Variants in LRRC4C observed in about 807,000 individuals in gnomAD.
The protein encoded by LRRC4C is leucine rich repeat containing 4C, also known as leucine-rich repeat-containing protein 4C.
Under a neutral mutation model 33.6 loss-of-function variants are expected in LRRC4C, and 5 were observed. The ratio of observed to expected loss-of-function variants is 0.15; its 90% confidence interval spans 0.08 to 0.31. The LOEUF (loss-of-function observed/expected upper bound fraction) is 0.31, where lower values mean the gene tolerates loss of function less well. LRRC4C is among the 10% of genes least tolerant of loss of function. The pLI is 1.00. For missense variants in LRRC4C, 560 were observed against 796.7 expected (o/e 0.70, Z 3.58); for synonymous variants, 329 against 302.0 (o/e 1.09, Z -0.93).
rs563012922 is a variant in LRRC4C, at chr11:41,288,824, A to C, written c.-496+170607T>G. Reference sequence around the variant, plus strand: ...TGTTGGCAGAATCCATTTACTTATAACTGTAGAACTCATGGAAGCTTGCTT... The same window carrying C: ...TGTTGGCAGAATCCATTTACTTATACCTGTAGAACTCATGGAAGCTTGCTT... On this transcript the variant is annotated intron_variant, in intron 1 of 6. Transcript: ENST00000528697. 3.9e-5 allele frequency among the ~76,000 whole-genome samples: 6 copies of C among 152,196 alleles called. No homozygotes were observed. In the South Asian group the frequency reaches 1.2e-3, roughly 32 times the overall value.
chr11:40,893,136 CTTCA>C (rs973859009), intron 2 of LRRC4C, among the ~76,000 whole-genome samples: 27 of 152,128 alleles, frequency 1.8e-4, no homozygotes, highest in Admixed American at 1.2e-3. Context: ...CAAAAACAAA[CTTCA>C]CATGTTCTCA....
intron 4 of LRRC4C, among the ~76,000 whole-genome samples, chr11:40,275,822 C>A (rs540928943): frequency 1.2e-4 from 19 of 152,228 alleles, no homozygotes; most frequent in Admixed American, 1.0e-3. Flanking sequence ...GAAGAACATT[C>A]TTTCAATCAC....
Position 40,240,884 on chromosome 11 carries a change from CA to C in LRRC4C, c.-96+634del, listed in dbSNP as rs111633816. Among the ~76,000 whole-genome samples, 8 of 152,160 alleles carry C rather than the reference CA, an allele frequency of 5.3e-5. 2 individuals are homozygous for C. Among genetic ancestry groups the C allele is most frequent in the African/African-American group, 1.9e-4 (8 of 41,528 alleles). ...TTTAGAATGTAATATAGGAAATTGT[CA>C]ACCATTTTCAAAACCAGAGCACATT... On this transcript the variant is annotated intron_variant, in intron 5 of 6. Coordinates refer to ENST00000528697, the MANE Select transcript of LRRC4C (RefSeq NM_001258419.2).
At chr11:41,054,778 G>A (rs1858496892) in intron 1 of LRRC4C, among the ~76,000 whole-genome samples, 2 of 152,176 alleles carry the variant, frequency 1.3e-5, no homozygotes, top group Non-Finnish European at 2.9e-5. Context: ...CTTGTCCTAT[G>A]CAGTGTACAG....
chr11:40,335,912 C>T (rs1225693589), intron 3 of LRRC4C, among the ~76,000 whole-genome samples: 2 of 152,170 alleles, frequency 1.3e-5, no homozygotes, highest in Non-Finnish European at 2.9e-5. Context: ...TGTTTCTCAT[C>T]TCTTTGCCCC....
At chr11:40,967,159 A>AGAAG (rs888569385) in intron 1 of LRRC4C, among the ~76,000 whole-genome samples, 2 of 151,878 alleles carry the variant, frequency 1.3e-5, no homozygotes, top group Non-Finnish European at 2.9e-5. Context: ...AGAAAAGGAA[A>AGAAG]GAAGGAAGGA....
intron 3 of LRRC4C, among the ~76,000 whole-genome samples, chr11:40,340,663 G>T (rs1281724896): frequency 6.6e-6 from 1 of 152,018 alleles, no homozygotes; most frequent in East Asian, 1.9e-4. Context: ...TTTTATAGCT[G>T]TTTTACAAAA....
chr11:41,163,910 C>T (rs1944598102), intron 1 of LRRC4C, among the ~76,000 whole-genome samples: 2 of 152,124 alleles, frequency 1.3e-5, no homozygotes, highest in African/African-American at 2.4e-5. Context: ...CTGCACCTGG[C>T]CACTACTTCA....
intron 1 of LRRC4C, among the ~76,000 whole-genome samples, chr11:41,076,007 T>C (rs1209941179): frequency 1.3e-5 from 2 of 152,150 alleles, no homozygotes; most frequent in Non-Finnish European, 2.9e-5. Flanking sequence ...CCCTCTTGTC[T>C]TGATGTCTAA....
chr11:40,947,955 G>A (rs1281074724), intron 1 of LRRC4C, among the ~76,000 whole-genome samples: 1 of 152,080 alleles, frequency 6.6e-6, no homozygotes, highest in African/African-American at 2.4e-5. Context: ...ATTGTGTTGA[G>A]TATTTTTGTC....
At chr11:40,270,489 A>T (rs540746947) in intron 4 of LRRC4C, among the ~76,000 whole-genome samples, 2 of 152,138 alleles carry the variant, frequency 1.3e-5, no homozygotes, top group Admixed American at 1.3e-4. Flanking sequence ...TTCTTCAAAG[A>T]TGTTATCTGT....
chr11:40,930,300 C>A (rs754394064), intron 2 of LRRC4C, among the ~76,000 whole-genome samples: 31 of 152,146 alleles, frequency 2.0e-4, no homozygotes, highest in Non-Finnish European at 4.0e-4. Context: ...TTCACTTTTT[C>A]TTTCTTATTA....
In LRRC4C at chr11:41,125,221, T is replaced by C. The variant is rs77122248; in HGVS notation, c.-495-191498A>G. 3.5e-3 allele frequency among the ~76,000 whole-genome samples: 528 copies of C among 152,276 alleles called. 2 individuals are homozygous for C. The highest frequency in any genetic ancestry group is 0.012 in the African/African-American group (495 of 41,566). On this transcript the variant is annotated intron_variant, in intron 1 of 6. Transcript: ENST00000528697. Reference sequence around the variant, plus strand: ...TGACAACCAGAAAGACCAGATATATTTTCTGATGATTATCTCTATAAAATT... The same window carrying C: ...TGACAACCAGAAAGACCAGATATATCTTCTGATGATTATCTCTATAAAATT...
intron 6 of LRRC4C, among the ~76,000 whole-genome samples, chr11:40,124,458 G>A (rs1047611766): frequency 6.6e-6 from 1 of 152,154 alleles, no homozygotes; most frequent in Non-Finnish European, 1.5e-5. Context: ...TATATACAAT[G>A]AAGTTCTATT....
chr11:40,617,742 T>C (rs764097911), intron 3 of LRRC4C, among the ~76,000 whole-genome samples: 6 of 151,736 alleles, frequency 4.0e-5, no homozygotes, highest in Non-Finnish European at 7.4e-5. Context: ...TACATAATCA[T>C]ACATGCCTAG....
intron 3 of LRRC4C, among the ~76,000 whole-genome samples, chr11:40,432,728 T>C (rs1399643089): frequency 2.0e-5 from 3 of 152,220 alleles, no homozygotes; most frequent in Non-Finnish European, 4.4e-5. Context: ...CCTGATTTAT[T>C]ATACTTTGGT....
At position 40,154,551 on chromosome 11, in the gene LRRC4C, T is replaced by C. The variant is rs146450424; in HGVS notation, c.-95-13698A>G. ...GAACACCAAAAGTGAGCCAGGGTAG[T>C]TATTCCTATAGCAGACAAAACAAAC... On this transcript the variant is annotated intron_variant, in intron 5 of 6. Transcript: ENST00000528697. 4.3e-3 allele frequency among the ~76,000 whole-genome samples: 658 copies of C among 152,180 alleles called. 4 individuals carry two copies. Among genetic ancestry groups the C allele is most frequent in the African/African-American group, 0.015 (624 of 41,544 alleles).
intron 1 of LRRC4C, among the ~76,000 whole-genome samples, chr11:41,309,755 T>A (rs1270655513): frequency 6.6e-6 from 1 of 152,216 alleles, no homozygotes; most frequent in Non-Finnish European, 1.5e-5. Flanking sequence ...CTGAGCTCTT[T>A]CACTTTTAGC....
intron 2 of LRRC4C, among the ~76,000 whole-genome samples, chr11:40,818,993 C>T (rs1951816173): frequency 6.6e-6 from 1 of 151,940 alleles, no homozygotes; most frequent in Admixed American, 6.6e-5. Flanking sequence ...ATATCCTGAA[C>T]CAATGACACT....
Sources: allele counts gnomAD v4.1 joint callset (sites outside exome capture counted in the v4.1 genomes callset), GRCh38; gene constraint gnomAD v4.1.1; transcripts MANE v1.5; gene names NCBI Gene and HGNC (gene_info 2026-07-23, HGNC 2026-07-21).